CRACD: variants seen among roughly 807,000 people sequenced by gnomAD.
CRACD encodes the protein capping protein-inhibiting regulator of actin dynamics.
A neutral mutation model predicts 106.8 loss-of-function variants in CRACD; 56 were observed. That is an observed-to-expected ratio of 0.52 (90% confidence interval 0.42 to 0.66). CRACD has a LOEUF of 0.66. CRACD is among the 30% of genes least tolerant of loss of function. The pLI, the probability that CRACD is intolerant of heterozygous loss-of-function variation, is 0.00. For missense variants in CRACD, 1,730 were observed against 1,623.2 expected (o/e 1.07, Z -1.13); for synonymous variants, 754 against 670.8 (o/e 1.12, Z -1.92).
At position 56,049,220 on chromosome 4, in the gene CRACD, C is replaced by G. The variant is rs1036796856; in HGVS notation, c.-415C>G. Reference sequence around the variant, plus strand: ...ATGCGGAGGCTGCCGCGCGCAGTGCCGCCGAGTCCGCCGCCCGCCCGGGAC... The same window carrying G: ...ATGCGGAGGCTGCCGCGCGCAGTGCGGCCGAGTCCGCCGCCCGCCCGGGAC... On this transcript the variant is annotated 5_prime_UTR_variant, in exon 1 of 11. Coordinates refer to ENST00000682029, the MANE Select transcript of CRACD (RefSeq NM_001393381.1). The G allele has an allele frequency of 6.6e-6, 1 of 150,554 alleles. No individual in the cohort carries two copies. The allele number at this position is 150,554 out of a possible 1,614,324, so 9.3% of individuals were successfully genotyped here. A position where few individuals can be genotyped will look rare whatever the true frequency, so the allele number is the denominator to read the frequency against.
Position 56,179,304 on chromosome 4 carries a change from C to T in CRACD, c.-315C>T, listed in dbSNP as rs1387788016. The T allele has an allele frequency of 6.6e-6, 1 of 151,954 alleles. No individual in the cohort carries two copies. Among genetic ancestry groups the T allele is most frequent in the Non-Finnish European group, 1.5e-5 (1 of 68,012 alleles). The allele number at this position is 151,954 out of a possible 1,614,324, so 9.4% of individuals were successfully genotyped here. On this transcript the variant is annotated 5_prime_UTR_variant, in exon 2 of 11. Coordinates refer to ENST00000682029, the MANE Select transcript of CRACD (RefSeq NM_001393381.1). ...AACAGCTTACAAGAGCAGTGATTCCCAGGCTTTCTCAGCAATGTACCCCAT... is the reference window on the plus strand; with the variant it reads ...AACAGCTTACAAGAGCAGTGATTCCTAGGCTTTCTCAGCAATGTACCCCAT...
intron 1 of CRACD, among the ~76,000 whole-genome samples, chr4:56,054,391 G>T (rs1455293035): frequency 6.6e-6 from 1 of 152,098 alleles, no homozygotes; most frequent in Non-Finnish European, 1.5e-5. Context: ...TCCTAGGCTG[G>T]TCATGAACTC....
rs180676722 is a variant in CRACD at position 56,051,560 on chromosome 4, T to C, written c.-336+2261T>C. Among the ~76,000 whole-genome samples, 43 of 152,246 alleles carry C rather than the reference T, an allele frequency of 2.8e-4. No homozygotes were observed. In the East Asian group the frequency reaches 8.3e-3, roughly 29 times the overall value. ...TTTTGTAGGTGAGGAAATCCAGACA[T>C]GGCGAGATTAAATGACTTGCCAGCT... On this transcript the variant is annotated intron_variant, in intron 1 of 10. Transcript: ENST00000682029.
At chr4:56,220,898 T>C (rs1355153110) in intron 2 of CRACD, among the ~76,000 whole-genome samples, 1 of 152,048 alleles carries the variant, frequency 6.6e-6, no homozygotes, top group Non-Finnish European at 1.5e-5. Context: ...TTTAGCTGGA[T>C]CTTGAAAGAT....
At chr4:56,299,735 A>G (rs191825066) in intron 4 of CRACD, among the ~76,000 whole-genome samples, 1 of 151,522 alleles carries the variant, frequency 6.6e-6, no homozygotes, top group African/African-American at 2.4e-5. Flanking sequence ...GAGGCTCTCC[A>G]GCTAGCTGCT....
intron 1 of CRACD, among the ~76,000 whole-genome samples, chr4:56,143,338 T>C (rs933635019): frequency 2.0e-5 from 3 of 152,126 alleles, no homozygotes; most frequent in African/African-American, 7.2e-5. Context: ...TGATAATTTT[T>C]GTCTTTTTCT....
At chr4:56,216,986 C>T (rs1211762933) in intron 2 of CRACD, among the ~76,000 whole-genome samples, 1 of 66,298 alleles carries the variant, frequency 1.5e-5, no homozygotes, top group Non-Finnish European at 2.7e-5. Flanking sequence ...GACTCCGTCT[C>T]AAAAAAAAAA....
intron 1 of CRACD, among the ~76,000 whole-genome samples, chr4:56,070,839 G>T (rs1732621076): frequency 7.0e-6 from 1 of 142,718 alleles, no homozygotes; most frequent in Non-Finnish European, 1.5e-5. Context: ...GGAATGCCAG[G>T]GGCTATGCTG....
At chr4:56,135,906 C>T (rs757336882) in intron 1 of CRACD, among the ~76,000 whole-genome samples, 2 of 152,212 alleles carry the variant, frequency 1.3e-5, no homozygotes, top group African/African-American at 2.4e-5. Context: ...TGTGCATGCT[C>T]ATTTGAAACT....
intron 5 of CRACD, chr4:56,309,020 C>A: frequency 1.7e-6 from 1 of 583,986 alleles, no homozygotes; most frequent in Non-Finnish European, 2.9e-6. Context: ...GTGTAACAAA[C>A]AACAAACAAG....
intron 2 of CRACD, among the ~76,000 whole-genome samples, chr4:56,198,929 A>G (rs1201438731): frequency 1.1e-4 from 17 of 152,096 alleles, no homozygotes; most frequent in Non-Finnish European, 1.5e-5. Flanking sequence ...TTCAGTAGTC[A>G]ATTTCCTGTT....
rs1746585202 is a variant in CRACD, at chr4:56,328,175, T to C, written c.*371T>C. The stretch of plus-strand genomic sequence containing the variant: ...TTTGCCAACCTTTGGTAATGGTTTT[T>C]TGATTCTATGCACTAATTTTCTTTG... On this transcript the variant is annotated 3_prime_UTR_variant, in exon 11 of 11. Coordinates refer to ENST00000682029, the MANE Select transcript of CRACD (RefSeq NM_001393381.1). 2.5e-6 allele frequency: 1 copy of C among 395,832 alleles called. No individual in the cohort carries two copies. The highest frequency in any genetic ancestry group is 2.1e-5 in the African/African-American group (1 of 48,388). 24.5% of individuals were successfully genotyped at this position (395,832 alleles called of 1,614,324 possible). A position where few individuals can be genotyped will look rare whatever the true frequency, so the allele number is the denominator to read the frequency against.
chr4:56,301,216 T>C (rs1744348625), intron 4 of CRACD: 1 of 1,287,264 alleles, frequency 7.8e-7, no homozygotes, highest in Admixed American at 2.3e-5. Context: ...GACTGTGCTT[T>C]ATTTTTCAGT....
chr4:56,299,668 CA>C (rs745452206), intron 4 of CRACD, among the ~76,000 whole-genome samples: 623 of 130,210 alleles, frequency 4.8e-3, no homozygotes, highest in Admixed American at 4.9e-3. Context: ...AGAGCTTGTC[CA>C]AAAAAAAAAA....
intron 1 of CRACD, among the ~76,000 whole-genome samples, chr4:56,075,642 G>A (rs1254985927): frequency 6.6e-6 from 1 of 152,092 alleles, no homozygotes. Context: ...TAGCAACCAA[G>A]TCTCCTAGCA....
chr4:56,171,442 G>C (rs1736360463), intron 1 of CRACD, among the ~76,000 whole-genome samples: 1 of 152,158 alleles, frequency 6.6e-6, no homozygotes, highest in Non-Finnish European at 1.5e-5. Flanking sequence ...TCATAGATTA[G>C]GGGGGCTGTA....
intron 2 of CRACD, among the ~76,000 whole-genome samples, chr4:56,186,203 A>G (rs917410514): frequency 6.6e-6 from 1 of 152,190 alleles, no homozygotes; most frequent in Non-Finnish European, 1.5e-5. Context: ...TCCTTTTGTG[A>G]TGGTAGAAGA....
At chr4:56,214,681 C>CTCTCTCTATATATATATATATATA in intron 2 of CRACD, among the ~76,000 whole-genome samples, 9 of 80,972 alleles carry the variant, frequency 1.1e-4, no homozygotes, top group South Asian at 4.5e-4. Flanking sequence ...CTCTCTCTCT[C>CTCTCTCTATATATATATATATATA]TATATATATA....
chr4:56,062,181 A>G (rs1732298291), intron 1 of CRACD, among the ~76,000 whole-genome samples: 1 of 152,254 alleles, frequency 6.6e-6, no homozygotes, highest in Non-Finnish European at 1.5e-5. Context: ...CAATGTATCA[A>G]ATAGCTCTTC....
Sources: gnomAD v4.1 joint callset for allele counts (sites outside exome capture counted in the v4.1 genomes callset) on GRCh38, gnomAD v4.1.1 for gene constraint, MANE v1.5 for transcripts, NCBI Gene and HGNC (gene_info 2026-07-23, HGNC 2026-07-21) for gene names.